Variants in ATP11A observed in about 807,000 individuals in gnomAD.
ATP11A encodes the protein phospholipid-transporting ATPase IH.
ATP11A carries 81 observed loss-of-function variants against 154.4 expected under a neutral mutation model. That is an observed-to-expected ratio of 0.52 (90% CI 0.44 to 0.63). ATP11A has a LOEUF of 0.63. ATP11A is among the 30% of genes least tolerant of loss of function. The pLI, the probability that ATP11A is intolerant of heterozygous loss-of-function variation, is 0.00. For missense variants in ATP11A, 1,316 were observed against 1,474.3 expected (o/e 0.89, Z 1.76); for synonymous variants, 623 against 585.9 (o/e 1.06, Z -0.91).
chr13:112,715,598 C>A (rs1206553695), intron 1 of ATP11A, among the ~76,000 whole-genome samples: 2 of 110,692 alleles, frequency 1.8e-5, no homozygotes, highest in Admixed American at 2.0e-4. Flanking sequence ...CCTGGCTGAT[C>A]CCCCCACCTG....
At chr13:112,867,174 C>G (rs2080362251) in intron 25 of ATP11A, among the ~76,000 whole-genome samples, 1 of 152,196 alleles carries the variant, frequency 6.6e-6, no homozygotes, top group South Asian at 2.1e-4. Context: ...AGTTTTCTCT[C>G]ACAAACACCA....
In ATP11A at chr13:112,881,946, C is replaced by A; in HGVS notation, c.*80C>A. ...TCCCACTCTCAGCAGGTGACACTCG[C>A]GGCCTGGAAGGAGAAGGTGTCCACG... On this transcript the variant is annotated 3_prime_UTR_variant, in exon 30 of 30. Coordinates refer to ENST00000375645, the MANE Select transcript of ATP11A (RefSeq NM_015205.3). 1 of 1,367,750 alleles carries A rather than the reference C, an allele frequency of 7.3e-7. No individual in the cohort carries two copies. The highest frequency in any genetic ancestry group is 9.8e-7 in the Non-Finnish European group (1 of 1,021,988). 84.7% of individuals were successfully genotyped at this position (1,367,750 alleles called of 1,614,324 possible).
At chr13:112,745,134 G>A (rs1424067567) in intron 1 of ATP11A, among the ~76,000 whole-genome samples, 1 of 152,148 alleles carries the variant, frequency 6.6e-6, no homozygotes, top group Non-Finnish European at 1.5e-5. Flanking sequence ...GTGCCATCTC[G>A]GCTCACTGCA....
At chr13:112,798,574 G>A (rs908022190) in intron 2 of ATP11A, among the ~76,000 whole-genome samples, 9 of 152,350 alleles carry the variant, frequency 5.9e-5, no homozygotes, top group African/African-American at 2.2e-4. Flanking sequence ...CTGTTGCGAG[G>A]AATCTGCGCC....
At chr13:112,724,541 G>T (rs557814101) in intron 1 of ATP11A, among the ~76,000 whole-genome samples, 1 of 152,222 alleles carries the variant, frequency 6.6e-6, no homozygotes, top group South Asian at 2.1e-4. Context: ...CGTGCATCCA[G>T]AGTTTCATCA....
chr13:112,880,537 G>A (rs1006650644), intron 29 of ATP11A: 10 of 1,297,124 alleles, frequency 7.7e-6, no homozygotes, highest in African/African-American at 3.0e-5. Flanking sequence ...ATCTTTCCTC[G>A]CCTTGCAGAG....
chr13:112,836,089 C>A, intron 15 of ATP11A, 89 bp from the exon 16 acceptor site: 2 of 948,250 alleles, frequency 2.1e-6, no homozygotes, highest in Non-Finnish European at 1.6e-6. Context: ...GCTGCCCCAG[C>A]CATTCTGCTG....
chr13:112,837,153 C>T (rs1265236784), intron 16 of ATP11A, among the ~76,000 whole-genome samples: 2 of 152,204 alleles, frequency 1.3e-5, no homozygotes, highest in African/African-American at 4.8e-5. Flanking sequence ...GAGGCCACCC[C>T]TTTGCATGGC....
intron 11 of ATP11A, among the ~76,000 whole-genome samples, chr13:112,826,060 T>C (rs963471448): frequency 9.2e-5 from 14 of 151,654 alleles, no homozygotes; most frequent in African/African-American, 3.4e-4. Flanking sequence ...CAGACCCATA[T>C]CCACTGAGCC....
At chr13:112,842,072 G>A (rs2140292054) in intron 16 of ATP11A, among the ~76,000 whole-genome samples, 1 of 152,318 alleles carries the variant, frequency 6.6e-6, no homozygotes. Flanking sequence ...AATTTCTAGG[G>A]TGTAGGAATA....
At chr13:112,752,194 G>A (rs1022567974) in intron 1 of ATP11A, among the ~76,000 whole-genome samples, 1 of 152,326 alleles carries the variant, frequency 6.6e-6, no homozygotes, top group South Asian at 2.1e-4. Context: ...TCAAGGTGGG[G>A]GACGTCTGGC....
intron 17 of ATP11A, among the ~76,000 whole-genome samples, chr13:112,843,874 C>T (rs978994138): frequency 2.0e-5 from 3 of 152,208 alleles, no homozygotes; most frequent in Non-Finnish European, 4.4e-5. Context: ...AAAGTAGCTG[C>T]GTTGGAGCCA....
At chr13:112,878,356 G>T in intron 29 of ATP11A, 53 bp downstream of exon 29, 14 of 1,581,716 alleles carry the variant, frequency 8.9e-6, no homozygotes, top group Non-Finnish European at 1.2e-5. Context: ...GGGGCAGCAG[G>T]GCCATGCCCA....
chr13:112,805,783 G>A (rs930883116), intron 3 of ATP11A, among the ~76,000 whole-genome samples: 31 of 152,246 alleles, frequency 2.0e-4, no homozygotes, highest in African/African-American at 7.0e-4. Flanking sequence ...ATATCTCGGG[G>A]TATGAGTTAG....
chr13:112,780,376 C>T (rs376835528), intron 1 of ATP11A, among the ~76,000 whole-genome samples: 11 of 151,878 alleles, frequency 7.2e-5, no homozygotes, highest in Admixed American at 4.6e-4. Context: ...GCCCAGCCCC[C>T]GGCAGCCCCC....
intron 6 of ATP11A, among the ~76,000 whole-genome samples, chr13:112,818,379 G>A (rs189913001): frequency 5.9e-5 from 9 of 152,296 alleles, no homozygotes; most frequent in Non-Finnish European, 1.2e-4. Flanking sequence ...GCTTGGTGAC[G>A]GAGCAGTGAC....
At chr13:112,873,741 G>T in intron 27 of ATP11A, 65 bp downstream of exon 27, 1 of 1,491,060 alleles carries the variant, frequency 6.7e-7, no homozygotes. Flanking sequence ...TTTTATCAAG[G>T]GTTGAAGACA....
At chr13:112,708,288 A>ATTT (rs1887378054) in intron 1 of ATP11A, among the ~76,000 whole-genome samples, 3 of 152,206 alleles carry the variant, frequency 2.0e-5, no homozygotes. Context: ...AAATGTGTTG[A>ATTT]TTGTAATGGT....
chr13:112,730,777 C>G (rs1336903791), intron 1 of ATP11A, among the ~76,000 whole-genome samples: 1 of 152,114 alleles, frequency 6.6e-6, no homozygotes, highest in Non-Finnish European at 1.5e-5. Flanking sequence ...GAAAACTGCC[C>G]CCAGGAGGCC....
Sources: allele counts gnomAD v4.1 joint callset (sites outside exome capture counted in the v4.1 genomes callset), GRCh38; gene constraint gnomAD v4.1.1; transcripts MANE v1.5; gene names NCBI Gene and HGNC (gene_info 2026-07-23, HGNC 2026-07-21).